Variants in TMEM132D observed in about 807,000 individuals in gnomAD.
TMEM132D encodes mature OL transmembrane protein.
TMEM132D carries 21 observed loss-of-function variants against 62.3 expected under a neutral mutation model. The ratio of observed to expected loss-of-function variants is 0.34; its 90% CI spans 0.24 to 0.49. The LOEUF is 0.49. Among genes scored for constraint, TMEM132D ranks in the 20% least tolerant of loss-of-function variants. The probability of loss-of-function intolerance (pLI) is 0.99; values close to 1 mark genes in which losing one functional copy is unlikely to be tolerated. For synonymous variants in TMEM132D, 621 were observed against 575.6 expected, an observed-to-expected ratio of 1.08 and a Z score of -1.13; for missense variants, 1,346 against 1,402.8, an observed-to-expected ratio of 0.96 and a Z score of 0.65.
At chr12:129,680,225 G>A (rs1880743662) in intron 2 of TMEM132D, among the ~76,000 whole-genome samples, 1 of 152,170 alleles carries the variant, frequency 6.6e-6, no homozygotes, top group Non-Finnish European at 1.5e-5. Context: ...TTGGGCTTCA[G>A]ATTATCATTC....
intron 4 of TMEM132D, among the ~76,000 whole-genome samples, chr12:129,275,764 C>G (rs1880988880): frequency 6.6e-6 from 1 of 152,164 alleles, no homozygotes; most frequent in African/African-American, 2.4e-5. Flanking sequence ...TGGAGGAGCA[C>G]CATCTAGAGG....
intron 4 of TMEM132D, among the ~76,000 whole-genome samples, chr12:129,234,245 A>G (rs1309178760): frequency 6.6e-6 from 1 of 152,218 alleles, no homozygotes; most frequent in African/African-American, 2.4e-5. Flanking sequence ...AGGCATGGAG[A>G]ATGCACTGCT....
chr12:129,476,815 G>A (rs111936012), intron 3 of TMEM132D, among the ~76,000 whole-genome samples: 5 of 152,252 alleles, frequency 3.3e-5, no homozygotes, highest in East Asian at 1.9e-4. Flanking sequence ...GCTTAATCTC[G>A]CTTCAATCTC....
intron 1 of TMEM132D, among the ~76,000 whole-genome samples, chr12:129,752,057 C>G (rs1325288567): frequency 6.6e-6 from 1 of 152,158 alleles, no homozygotes; most frequent in African/African-American, 2.4e-5. Flanking sequence ...AGAGAAATAT[C>G]AATTTGCCAA....
At chr12:129,636,949 T>A (rs752606919) in intron 2 of TMEM132D, among the ~76,000 whole-genome samples, 1 of 152,114 alleles carries the variant, frequency 6.6e-6, no homozygotes, top group Non-Finnish European at 1.5e-5. Flanking sequence ...AGAATTATGT[T>A]ATGTACATAG....
At chr12:129,184,952 T>G (rs1405753352) in intron 5 of TMEM132D, among the ~76,000 whole-genome samples, 1 of 152,146 alleles carries the variant, frequency 6.6e-6, no homozygotes, top group East Asian at 1.9e-4. Flanking sequence ...GAGTCTCACA[T>G]GAGAAGAGAA....
At chr12:129,688,129 A>G (rs2137214378) in intron 2 of TMEM132D, among the ~76,000 whole-genome samples, 1 of 152,294 alleles carries the variant, frequency 6.6e-6, no homozygotes, top group Non-Finnish European at 1.5e-5. Context: ...ACATCCTGAA[A>G]AGAGAATTCA....
chr12:129,412,023 A>AT (rs577001409), intron 3 of TMEM132D, among the ~76,000 whole-genome samples: 3 of 152,160 alleles, frequency 2.0e-5, no homozygotes, highest in Non-Finnish European at 4.4e-5. Context: ...CACATTTTTT[A>AT]TTTTTTTGAA....
intron 3 of TMEM132D, among the ~76,000 whole-genome samples, chr12:129,496,932 C>T (rs530508351): frequency 3.2e-4 from 48 of 152,328 alleles, no homozygotes; most frequent in African/African-American, 7.9e-4. Context: ...CAGCTCCCCA[C>T]GGGACTCTGC....
rs190502172 is a variant in TMEM132D at position 129,182,704 on chromosome 12, T to C, written c.1443+26816A>G. 2.3e-3 allele frequency among the ~76,000 whole-genome samples: 349 copies of C among 152,348 alleles called. 1 individual carries two copies. In the Middle Eastern group the frequency reaches 0.031, roughly 13 times the overall value. ...TAAGTACACATCTTCCCAGAAATAC[T>C]TGGGATGATGTTTGACCAAATGTCT... On this transcript the variant is annotated intron_variant, in intron 5 of 8. Coordinates refer to ENST00000422113, the MANE Select transcript of TMEM132D (RefSeq NM_133448.3).
In TMEM132D at chr12:129,075,072, A is replaced by G. The variant is rs568634427; in HGVS notation, c.2116-13T>C. On this transcript the variant is annotated splice_polypyrimidine_tract_variant and intron_variant, in intron 8 of 8. Transcript: ENST00000422113. ...TGATGGCTGCTTCCTATGGAGAAAA[A>G]TATGTAAGTTAATCAAATGGGCCAA... 1 of 1,591,588 alleles carries G rather than the reference A, an allele frequency of 6.3e-7. No homozygotes were observed. Among genetic ancestry groups the G allele is most frequent in the South Asian group, 1.1e-5 (1 of 89,756 alleles).
intron 3 of TMEM132D, among the ~76,000 whole-genome samples, chr12:129,432,102 GATGA>G (rs961299549): frequency 1.3e-3 from 192 of 152,114 alleles, no homozygotes; most frequent in African/African-American, 4.5e-3. Flanking sequence ...GTTGCATATG[GATGA>G]ATGAATGGAT....
At chr12:129,568,421 C>A (rs920165780) in intron 2 of TMEM132D, among the ~76,000 whole-genome samples, 4 of 152,190 alleles carry the variant, frequency 2.6e-5, no homozygotes, top group African/African-American at 4.8e-5. Flanking sequence ...AGCAGACATA[C>A]CCCAGAGTAC....
At chr12:129,842,097 AT>A (rs746315309) in intron 1 of TMEM132D, among the ~76,000 whole-genome samples, 49,234 of 97,782 alleles carry the variant, frequency 0.5, 10,464 homozygotes, top group East Asian at 0.74. Flanking sequence ...CGCCCGGCTA[AT>A]TTTTTTTTTT....
intron 5 of TMEM132D, among the ~76,000 whole-genome samples, chr12:129,149,941 T>C (rs1232531077): frequency 6.6e-6 from 1 of 152,254 alleles, no homozygotes; most frequent in Non-Finnish European, 1.5e-5. Flanking sequence ...TTTTTCTTTC[T>C]GGGAATAGCC....
intron 1 of TMEM132D, among the ~76,000 whole-genome samples, chr12:129,795,466 A>G (rs1871535436): frequency 6.6e-6 from 1 of 152,250 alleles, no homozygotes; most frequent in Non-Finnish European, 1.5e-5. Flanking sequence ...CCAAACTTAC[A>G]ATGGACTCTG....
intron 5 of TMEM132D, among the ~76,000 whole-genome samples, chr12:129,180,383 C>T (rs919753353): frequency 2.0e-5 from 3 of 152,196 alleles, no homozygotes; most frequent in Non-Finnish European, 1.5e-5. Flanking sequence ...GTCCCTGCCT[C>T]ACTCACGTAC....
intron 1 of TMEM132D, among the ~76,000 whole-genome samples, chr12:129,829,331 C>T (rs1872760068): frequency 6.6e-6 from 1 of 152,068 alleles, no homozygotes; most frequent in South Asian, 2.1e-4. Context: ...ACATCTCCTT[C>T]CTCTTCCTCT....
intron 1 of TMEM132D, among the ~76,000 whole-genome samples, chr12:129,884,572 C>T (rs1401871245): frequency 6.6e-6 from 1 of 152,208 alleles, no homozygotes; most frequent in Non-Finnish European, 1.5e-5. Context: ...AGTACCACTA[C>T]ACATGTATTA....
Sources: allele counts gnomAD v4.1 joint callset (sites outside exome capture counted in the v4.1 genomes callset), GRCh38; gene constraint gnomAD v4.1.1; transcripts MANE v1.5; gene names NCBI Gene and HGNC (gene_info 2026-07-23, HGNC 2026-07-21).